MMP7: variants seen among roughly 807,000 people sequenced by gnomAD.
MMP7 encodes matrilysin.
In MMP7, 26 loss-of-function variants were observed where a neutral mutation model predicts 31.5. The observed-to-expected ratio is 0.83, with a 90% CI of 0.61 to 1.15. The LOEUF (loss-of-function observed/expected upper bound fraction) is 1.15. Among genes scored for constraint, MMP7 ranks in the 50% most tolerant of loss-of-function variants. The probability of loss-of-function intolerance (pLI) is 0.00; values close to 1 mark genes in which losing one functional copy is unlikely to be tolerated. For synonymous variants in MMP7, 142 were observed against 124.2 expected (o/e 1.14, Z -0.95); for missense variants, 367 against 326.5 (o/e 1.12, Z -0.96).
chr11:102,523,167 C>G (rs1320742954), intron 5 of MMP7, 73 bp downstream of exon 5: 1 of 1,238,928 alleles, frequency 8.1e-7, no homozygotes, highest in East Asian at 2.4e-5. Context: ...ATACCCATTT[C>G]CCAGCCTTTC....
rs1291982357 is a variant in MMP7 at position 102,520,777 on chromosome 11, T to C, written c.803A>G (p.Ter268TrpextTer23). The C allele has an allele frequency of 6.4e-7, 1 of 1,566,864 alleles. No homozygotes were observed. Among genetic ancestry groups the C allele is most frequent in the Admixed American group, 1.7e-5 (1 of 58,984 alleles). ...GAATGGATGTTCTGCCTGAAGTTTCTATTTCTTTCTTGAATTACTTCTCTT... is the reference window on the plus strand; with the variant it reads ...GAATGGATGTTCTGCCTGAAGTTTCCATTTCTTTCTTGAATTACTTCTCTT... ...YGKRSNSRKK[*>W] The change falls in exon 6 of 6, where the codon TAG becomes TGG. Residue 268 changes from the stop codon to tryptophan (W), a stop_lost. Transcript: ENST00000260227.
At chr11:102,528,227 A>T (rs891013156) in intron 1 of MMP7, among the ~76,000 whole-genome samples, 1 of 152,362 alleles carries the variant, frequency 6.6e-6, no homozygotes, top group Admixed American at 6.5e-5. Flanking sequence ...TAAAAAATCC[A>T]TTTAAATGTT....
At position 102,526,240 on chromosome 11, in the gene MMP7, ATTT is replaced by A. The variant is rs762318650; in HGVS notation, c.485-1179_485-1177del. Among the ~76,000 whole-genome samples, 793 of 131,464 alleles carry A rather than the reference ATTT, an allele frequency of 6.0e-3. 14 individuals carry two copies. The highest frequency in any genetic ancestry group is 0.021 in the African/African-American group (722 of 34,678). 86.2% of individuals were successfully genotyped at this position (131,464 alleles called of 152,430 possible). ...AAAAAAAAAAAATATATATATATAT[ATTT>A]TTTTTTTTTCTTTTGAGACATAGTC... On this transcript the variant is annotated intron_variant, in intron 3 of 5. Transcript: ENST00000260227.
rs1858652416 is a variant in MMP7 at position 102,524,965 on chromosome 11, T to A, written c.584A>T (p.Asp195Val). ...ACTGCTACCATCCGTCCAGCGTTCA[T>A]CCTCATCGAAGTGAGCATCTCCTCC... ...GLGGDAHFDE[D>V]ERWTDGSSLG... Residue 195 changes from aspartate (D) to valine (V), a missense_variant, in exon 4 of 6, where the codon GAT becomes GTT. Asp to Val is a radical substitution (Grantham distance 152). Coordinates refer to ENST00000260227, the MANE Select transcript of MMP7 (RefSeq NM_002423.5). 6.2e-7 allele frequency: 1 copy of A among 1,614,034 alleles called. No individual in the cohort carries two copies. The highest frequency in any genetic ancestry group is 1.3e-5 in the African/African-American group (1 of 75,008).
In MMP7 at chr11:102,527,738, G is replaced by A. The variant is rs1165648028; in HGVS notation, c.335+19C>T. 2 of 1,613,670 alleles carry A rather than the reference G, an allele frequency of 1.2e-6. No individual in the cohort carries two copies. Among genetic ancestry groups the A allele is most frequent in the East Asian group, 2.2e-5 (1 of 44,870 alleles). On this transcript the variant is annotated intron_variant, in intron 2 of 5. Coordinates refer to ENST00000260227, the MANE Select transcript of MMP7 (RefSeq NM_002423.5). ...CAGGCTTTATTGTTTTTGCCAAAAT[G>A]AGCCAGAGCAAAACTAACCTGTAGG...
intron 1 of MMP7, among the ~76,000 whole-genome samples, chr11:102,530,130 T>C (rs142013407): frequency 6.6e-6 from 1 of 152,334 alleles, no homozygotes; most frequent in East Asian, 1.9e-4. Flanking sequence ...ACAAACAGTA[T>C]TGTAAATACA....
chr11:102,525,920 T>C (rs752398795), intron 3 of MMP7, among the ~76,000 whole-genome samples: 2 of 152,072 alleles, frequency 1.3e-5, no homozygotes, highest in Non-Finnish European at 2.9e-5. Flanking sequence ...ATGAGGCCAG[T>C]CCAGTTTATC....
intron 3 of MMP7, 179 bp downstream of exon 3, chr11:102,527,345 G>C: frequency 1.4e-6 from 1 of 732,658 alleles, no homozygotes; most frequent in Admixed American, 3.0e-5. Flanking sequence ...GCTATAAAAA[G>C]TGGCTCTATA....
At chr11:102,522,832 G>A (rs796821378) in intron 5 of MMP7, among the ~76,000 whole-genome samples, 4 of 152,316 alleles carry the variant, frequency 2.6e-5, no homozygotes, top group African/African-American at 7.2e-5. Context: ...AACAGGAAGA[G>A]CAGGGTCACT....
intron 5 of MMP7, among the ~76,000 whole-genome samples, chr11:102,522,554 A>C (rs763065358): frequency 6.6e-6 from 1 of 152,256 alleles, no homozygotes; most frequent in Non-Finnish European, 1.5e-5. Flanking sequence ...GACCTTGGAC[A>C]GTCCACTTAG....
intron 3 of MMP7, among the ~76,000 whole-genome samples, chr11:102,526,238 A>T (rs1380513432): frequency 4.6e-5 from 6 of 130,902 alleles, no homozygotes; most frequent in African/African-American, 1.7e-4. Context: ...ATATATATAT[A>T]TATTTTTTTT....
At chr11:102,528,464 A>G (rs1394037343) in intron 1 of MMP7, among the ~76,000 whole-genome samples, 7 of 152,248 alleles carry the variant, frequency 4.6e-5, no homozygotes, top group Admixed American at 1.3e-4. Context: ...AAAAGATATT[A>G]GGAAATTATT....
At chr11:102,526,489 G>C (rs1292401527) in intron 3 of MMP7, among the ~76,000 whole-genome samples, 1 of 151,896 alleles carries the variant, frequency 6.6e-6, no homozygotes, top group African/African-American at 2.4e-5. Flanking sequence ...CACCTGCCTT[G>C]GCCTCCCGAA....
chr11:102,523,619 T>C (rs968132792), intron 4 of MMP7, among the ~76,000 whole-genome samples: 1 of 152,094 alleles, frequency 6.6e-6, no homozygotes, highest in African/African-American at 2.4e-5. Context: ...CTTCTGCTTA[T>C]TAAAAATGTG....
At chr11:102,528,495 C>T (rs1471449587) in intron 1 of MMP7, among the ~76,000 whole-genome samples, 2 of 152,202 alleles carry the variant, frequency 1.3e-5, no homozygotes, top group Non-Finnish European at 2.9e-5. Flanking sequence ...ATTTAATAAT[C>T]CGGTGAAGGA....
At chr11:102,529,933 C>G (rs1177726486) in intron 1 of MMP7, among the ~76,000 whole-genome samples, 1 of 152,138 alleles carries the variant, frequency 6.6e-6, no homozygotes, top group African/African-American at 2.4e-5. Context: ...TACATACATG[C>G]TAGTTGGTTT....
At chr11:102,530,209 G>T in intron 1 of MMP7, among the ~76,000 whole-genome samples, 1 of 152,146 alleles carries the variant, frequency 6.6e-6, no homozygotes, top group East Asian at 1.9e-4. Context: ...AGAATCTCAA[G>T]TTATAATAAA....
At chr11:102,530,529 A>G in intron 1 of MMP7, 64 bp downstream of exon 1, 1 of 1,341,628 alleles carries the variant, frequency 7.5e-7, no homozygotes, top group South Asian at 1.2e-5. Context: ...AAATAATTGA[A>G]AAACACATTT....
intron 5 of MMP7, 111 bp downstream of exon 5, chr11:102,523,129 A>G: frequency 1.3e-6 from 1 of 742,928 alleles, no homozygotes. Context: ...GCTTTTTGAT[A>G]TGAGTTCCAG....
Sources: allele counts gnomAD v4.1 joint callset (sites outside exome capture counted in the v4.1 genomes callset), GRCh38; gene constraint gnomAD v4.1.1; transcripts MANE v1.5; gene names NCBI Gene and HGNC (gene_info 2026-07-23, HGNC 2026-07-21).